ADCY8: variants seen among roughly 807,000 people sequenced by gnomAD.
ADCY8 encodes adenylate cyclase 8, also known as adenylate cyclase type 8.
A neutral mutation model predicts 119.7 loss-of-function variants in ADCY8; 51 were observed. That is an observed-to-expected ratio of 0.43 (90% CI 0.34 to 0.54). The LOEUF (loss-of-function observed/expected upper bound fraction) is 0.54, where lower values mean the gene tolerates loss of function less well. Among genes scored for constraint, ADCY8 ranks in the 20% least tolerant of loss-of-function variants. The pLI, the probability that ADCY8 is intolerant of heterozygous loss-of-function variation, is 0.03. For missense variants in ADCY8, 1,383 were observed against 1,598.8 expected, an observed-to-expected ratio of 0.87 and a Z score of 2.30; for synonymous variants, 665 against 651.0, an observed-to-expected ratio of 1.02 and a Z score of -0.33.
intron 2 of ADCY8, among the ~76,000 whole-genome samples, chr8:130,978,625 C>A (rs1311800304): frequency 6.6e-6 from 1 of 152,116 alleles, no homozygotes; most frequent in Admixed American, 6.6e-5. Context: ...TGTAATCCAG[C>A]AGAGGAGATA....
At position 131,039,219 on chromosome 8, in the gene ADCY8, C is replaced by T. The variant is rs376138130; in HGVS notation, c.960+155G>A. 8.5e-5 allele frequency among the ~76,000 whole-genome samples: 13 copies of T among 152,328 alleles called. No individual in the cohort carries two copies. The East Asian group carries it at 1.5e-3, about 18-fold the overall frequency. On this transcript the variant is annotated intron_variant, in intron 1 of 17. Coordinates refer to ENST00000286355, the MANE Select transcript of ADCY8 (RefSeq NM_001115.3). ...TTCCACTTTAAGAAGAGATTGCATT[C>T]CGCTAACACTCAAGACCTCCTAGGT...
At chr8:130,850,141 C>T (rs1364158167) in intron 9 of ADCY8, among the ~76,000 whole-genome samples, 1 of 152,140 alleles carries the variant, frequency 6.6e-6, no homozygotes, top group East Asian at 1.9e-4. Context: ...GTGGGATGAA[C>T]CCACATACCC....
intron 15 of ADCY8, among the ~76,000 whole-genome samples, chr8:130,787,541 A>G (rs1385718249): frequency 7.0e-6 from 1 of 143,692 alleles, no homozygotes; most frequent in Admixed American, 7.2e-5. Context: ...CTGCATACAT[A>G]TGTGTGTGGA....
At chr8:130,915,264 A>G (rs1396379783) in intron 5 of ADCY8, among the ~76,000 whole-genome samples, 1 of 152,214 alleles carries the variant, frequency 6.6e-6, no homozygotes, top group Non-Finnish European at 1.5e-5. Context: ...ATTATAAGGT[A>G]AAAAATGAGG....
chr8:130,865,701 C>A (rs1329458127), intron 9 of ADCY8, among the ~76,000 whole-genome samples: 2 of 152,098 alleles, frequency 1.3e-5, no homozygotes, highest in African/African-American at 4.8e-5. Context: ...ATAGAGCTTT[C>A]TCTTTGGTTG....
intron 2 of ADCY8, among the ~76,000 whole-genome samples, chr8:130,984,167 G>A (rs909992050): frequency 6.6e-6 from 1 of 151,976 alleles, no homozygotes; most frequent in African/African-American, 2.4e-5. Flanking sequence ...AGAGGAGACT[G>A]CATGAGTGGG....
chr8:130,935,061 G>C (rs938329967), intron 5 of ADCY8, among the ~76,000 whole-genome samples: 1 of 152,170 alleles, frequency 6.6e-6, no homozygotes, highest in Non-Finnish European at 1.5e-5. Context: ...TTTTTCTTGA[G>C]ATATGATAAA....
intron 4 of ADCY8, among the ~76,000 whole-genome samples, chr8:130,938,501 G>T (rs1820859986): frequency 6.6e-6 from 1 of 152,080 alleles, no homozygotes; most frequent in Non-Finnish European, 1.5e-5. Flanking sequence ...TTCTATGGCT[G>T]TGTGGGAAAA....
intron 5 of ADCY8, among the ~76,000 whole-genome samples, chr8:130,930,934 C>T (rs1820612837): frequency 6.6e-6 from 1 of 152,156 alleles, no homozygotes; most frequent in South Asian, 2.1e-4. Flanking sequence ...CTAAAACCCA[C>T]AGGACTTGAA....
At chr8:130,895,206 G>C (rs7001517) in intron 7 of ADCY8, among the ~76,000 whole-genome samples, 5 of 151,862 alleles carry the variant, frequency 3.3e-5, no homozygotes, top group Non-Finnish European at 7.4e-5. Context: ...AGTGCTATAC[G>C]TTTATTGGGT....
At chr8:130,780,921 G>A (rs199722401) in intron 17 of ADCY8, 44 bp from the exon 18 acceptor site, 1,316 of 1,596,564 alleles carry the variant, frequency 8.2e-4, no homozygotes, top group Non-Finnish European at 1.1e-3. Flanking sequence ...GGGAGAAGGG[G>A]GACAATGGGG....
At chr8:130,842,287 T>G (rs1056113847) in intron 11 of ADCY8, among the ~76,000 whole-genome samples, 6 of 152,188 alleles carry the variant, frequency 3.9e-5, no homozygotes, top group African/African-American at 1.4e-4. Context: ...ATATTGAGGT[T>G]TTGAACCTGT....
chr8:130,899,422 A>T (rs898540094), intron 7 of ADCY8, among the ~76,000 whole-genome samples: 6 of 152,152 alleles, frequency 3.9e-5, no homozygotes, highest in Non-Finnish European at 7.3e-5. Context: ...CCTGGCCAAC[A>T]TGGTGAAATC....
intron 13 of ADCY8, among the ~76,000 whole-genome samples, chr8:130,815,468 A>G (rs1166015812): frequency 6.6e-6 from 1 of 152,174 alleles, no homozygotes; most frequent in Non-Finnish European, 1.5e-5. Context: ...CAATATACAT[A>G]TATTAAATCC....
chr8:130,794,226 C>T (rs568370943), intron 15 of ADCY8, among the ~76,000 whole-genome samples: 1 of 152,166 alleles, frequency 6.6e-6, no homozygotes, highest in African/African-American at 2.4e-5. Context: ...TGAAAGAATG[C>T]ATTCTGGATT....
At chr8:130,955,463 A>G (rs903752435) in intron 2 of ADCY8, among the ~76,000 whole-genome samples, 4 of 152,174 alleles carry the variant, frequency 2.6e-5, no homozygotes, top group African/African-American at 4.8e-5. Flanking sequence ...CCCCATTTTC[A>G]GAAATTGAAA....
At chr8:130,846,556 A>ATTCC (rs1215330024) in intron 11 of ADCY8, among the ~76,000 whole-genome samples, 14,550 of 91,840 alleles carry the variant, frequency 0.16, 1,292 homozygotes, top group African/African-American at 0.32. Flanking sequence ...TCATTCCTTC[A>ATTCC]TTCCTTCCTT....
intron 9 of ADCY8, among the ~76,000 whole-genome samples, chr8:130,866,270 T>C (rs1486488115): frequency 6.6e-6 from 1 of 152,106 alleles, no homozygotes; most frequent in Non-Finnish European, 1.5e-5. Context: ...CTCTTTCTAA[T>C]GTCCTCTGCT....
chr8:130,784,144 G>T (rs1178916400), intron 16 of ADCY8, among the ~76,000 whole-genome samples: 1 of 152,006 alleles, frequency 6.6e-6, no homozygotes, highest in African/African-American at 2.4e-5. Flanking sequence ...TGTGTTGGGG[G>T]TGTGTGGGCG....
Sources: allele counts gnomAD v4.1 joint callset (sites outside exome capture counted in the v4.1 genomes callset), GRCh38; gene constraint gnomAD v4.1.1; transcripts MANE v1.5; gene names NCBI Gene and HGNC (gene_info 2026-07-23, HGNC 2026-07-21).